Variants in UNC5C observed in about 807,000 individuals in gnomAD.
UNC5C encodes unc-5 netrin receptor C.
Under a neutral mutation model 99.8 loss-of-function variants are expected in UNC5C, and 47 were observed. That is an observed-to-expected ratio of 0.47 (90% CI 0.37 to 0.60). The LOEUF is 0.60. Among genes scored for constraint, UNC5C ranks in the 20% least tolerant of loss-of-function variants. The probability of loss-of-function intolerance (pLI) is 0.00; values close to 1 mark genes in which losing one functional copy is unlikely to be tolerated. For synonymous variants in UNC5C, 487 were observed against 452.2 expected (o/e 1.08, Z -0.98); for missense variants, 1,062 against 1,165.9 (o/e 0.91, Z 1.30).
intron 1 of UNC5C, among the ~76,000 whole-genome samples, chr4:95,492,131 G>C (rs943559356): frequency 6.6e-6 from 1 of 151,318 alleles, no homozygotes; most frequent in African/African-American, 2.4e-5. Context: ...ATATAAAATA[G>C]GCTATATTTC....
chr4:95,170,337 A>C lies in UNC5C; in HGVS notation c.2452-5T>G. On this transcript the variant is annotated splice_region_variant and splice_polypyrimidine_tract_variant and intron_variant, in intron 14 of 15. Coordinates refer to ENST00000453304, the MANE Select transcript of UNC5C (RefSeq NM_003728.4). ...CAAATCGATGCCAGTAGGTTCCTGT[A>C]GTTCAGGGACAGGAACAACACAGCA... 1 of 1,613,732 alleles carries C rather than the reference A, an allele frequency of 6.2e-7. No homozygotes were observed. Among genetic ancestry groups the C allele is most frequent in the Non-Finnish European group, 8.5e-7 (1 of 1,179,656 alleles).
intron 1 of UNC5C, among the ~76,000 whole-genome samples, chr4:95,370,426 G>A (rs747293597): frequency 2.0e-5 from 3 of 152,034 alleles, no homozygotes; most frequent in Admixed American, 1.3e-4. Flanking sequence ...CTGTACATGC[G>A]ATTTCTGATA....
At chr4:95,533,711 A>G (rs913539761) in intron 1 of UNC5C, among the ~76,000 whole-genome samples, 1 of 152,194 alleles carries the variant, frequency 6.6e-6, no homozygotes, top group East Asian at 1.9e-4. Flanking sequence ...GTTTGAAAAC[A>G]AAAACAAAAA....
intron 1 of UNC5C, among the ~76,000 whole-genome samples, chr4:95,489,030 T>C (rs1721405633): frequency 7.3e-6 from 1 of 137,920 alleles, no homozygotes; most frequent in South Asian, 2.2e-4. Context: ...TTAATAAAAA[T>C]GAGTATATTC....
At chr4:95,445,050 C>T (rs1001889820) in intron 1 of UNC5C, among the ~76,000 whole-genome samples, 3 of 151,930 alleles carry the variant, frequency 2.0e-5, no homozygotes, top group East Asian at 3.9e-4. Flanking sequence ...AAGGAGAGCG[C>T]GAATCCAATT....
chr4:95,511,892 T>C (rs568156296), intron 1 of UNC5C, among the ~76,000 whole-genome samples: 6 of 152,176 alleles, frequency 3.9e-5, no homozygotes, highest in Non-Finnish European at 8.8e-5. Flanking sequence ...GGCTACATTC[T>C]GGGTATTGTC....
At chr4:95,213,346 GCATT>G (rs1738139654) in intron 10 of UNC5C, among the ~76,000 whole-genome samples, 1 of 152,236 alleles carries the variant, frequency 6.6e-6, no homozygotes, top group Non-Finnish European at 1.5e-5. Flanking sequence ...CATGTTAGCA[GCATT>G]AATTGTGGAA....
chr4:95,521,992 T>C (rs955990224), intron 1 of UNC5C, among the ~76,000 whole-genome samples: 2 of 152,160 alleles, frequency 1.3e-5, no homozygotes, highest in Non-Finnish European at 2.9e-5. Context: ...GAAATGTGCA[T>C]TTCTTTTTTC....
chr4:95,408,468 G>A (rs553979910), intron 1 of UNC5C, among the ~76,000 whole-genome samples: 213 of 152,230 alleles, frequency 1.4e-3, no homozygotes, highest in African/African-American at 4.9e-3. Context: ...AAAACATGAT[G>A]AACTATAGAA....
chr4:95,344,629 A>G (rs1743702616), intron 1 of UNC5C, among the ~76,000 whole-genome samples: 1 of 152,126 alleles, frequency 6.6e-6, no homozygotes, highest in Admixed American at 6.6e-5. Context: ...AAATAATAAC[A>G]ATAACTTTTC....
At chr4:95,212,880 T>C (rs1335456979) in intron 10 of UNC5C, among the ~76,000 whole-genome samples, 1 of 152,160 alleles carries the variant, frequency 6.6e-6, no homozygotes, top group African/African-American at 2.4e-5. Flanking sequence ...CCATACCCTC[T>C]CCATTCTCTC....
At chr4:95,233,511 C>G (rs1275600001) in intron 7 of UNC5C, among the ~76,000 whole-genome samples, 1 of 140,312 alleles carries the variant, frequency 7.1e-6, no homozygotes, top group Non-Finnish European at 1.5e-5. Flanking sequence ...TATAAATTTG[C>G]ATTTCTGGAC....
At chr4:95,221,418 T>G (rs1738463805) in intron 7 of UNC5C, among the ~76,000 whole-genome samples, 1 of 152,132 alleles carries the variant, frequency 6.6e-6, no homozygotes, top group Admixed American at 6.5e-5. Flanking sequence ...CTCCTAACGC[T>G]CACAGCCACA....
chr4:95,398,711 A>T (rs1201140212), intron 1 of UNC5C, among the ~76,000 whole-genome samples: 1 of 152,174 alleles, frequency 6.6e-6, no homozygotes, highest in Non-Finnish European at 1.5e-5. Flanking sequence ...AAGTAAATAA[A>T]GCATGTAGAC....
At chr4:95,498,589 T>C (rs1431860299) in intron 1 of UNC5C, among the ~76,000 whole-genome samples, 1 of 152,048 alleles carries the variant, frequency 6.6e-6, no homozygotes, top group African/African-American at 2.4e-5. Flanking sequence ...CACTGATTTG[T>C]TGTATCCCAA....
rs536039867 is a variant in UNC5C at position 95,424,518 on chromosome 4, C to CTTTTTTTTT, written c.125-88896_125-88888dup. On this transcript the variant is annotated intron_variant, in intron 1 of 15. Coordinates refer to ENST00000453304, the MANE Select transcript of UNC5C (RefSeq NM_003728.4). The stretch of plus-strand genomic sequence containing the variant: ...GGCTTCAGAATTTTTTTTTTCTTTT[C>CTTTTTTTTT]TTTTTTTTTTTTTTTTTTTTTGAGA... 1.4e-3 allele frequency among the ~76,000 whole-genome samples: 95 copies of CTTTTTTTTT among 67,944 alleles called. 6 individuals are homozygous for CTTTTTTTTT. Among genetic ancestry groups the CTTTTTTTTT allele is most frequent in the African/African-American group, 5.2e-3 (88 of 16,814 alleles). 44.6% of individuals were successfully genotyped at this position (67,944 alleles called of 152,430 possible).
At chr4:95,439,800 A>G (rs900346947) in intron 1 of UNC5C, among the ~76,000 whole-genome samples, 1 of 152,142 alleles carries the variant, frequency 6.6e-6, no homozygotes, top group African/African-American at 2.4e-5. Context: ...ACGTAAACCC[A>G]TATGTCAGGG....
chr4:95,330,366 C>T (rs1040559348), intron 2 of UNC5C, among the ~76,000 whole-genome samples: 1 of 152,018 alleles, frequency 6.6e-6, no homozygotes. Flanking sequence ...TTCGACCTTT[C>T]CATTCAAGAA....
intron 1 of UNC5C, among the ~76,000 whole-genome samples, chr4:95,371,435 AGT>A (rs1744746682): frequency 2.4e-5 from 1 of 41,702 alleles, no homozygotes; most frequent in Non-Finnish European, 3.7e-5. Context: ...GGGGGGGGGG[AGT>A]ATCAAATGTG....
Sources: allele counts gnomAD v4.1 joint callset (sites outside exome capture counted in the v4.1 genomes callset), GRCh38; gene constraint gnomAD v4.1.1; transcripts MANE v1.5; gene names NCBI Gene and HGNC (gene_info 2026-07-23, HGNC 2026-07-21).